The following NT5C2 variants were observed in gnomAD, a reference collection of about 807,000 sequenced individuals.
The protein encoded by NT5C2 is cytosolic purine 5'-nucleotidase.
In NT5C2, 58 loss-of-function variants were observed where a neutral mutation model predicts 76.1. That is an observed-to-expected ratio of 0.76 (90% CI 0.62 to 0.95). The LOEUF (loss-of-function observed/expected upper bound fraction) is 0.95, where lower values mean the gene tolerates loss of function less well. NT5C2 is among the 40% of genes least tolerant of loss of function. NT5C2 has a pLI of 0.00. For synonymous variants in NT5C2, 229 were observed against 237.4 expected (o/e 0.96, Z 0.32); for missense variants, 478 against 690.3 (o/e 0.69, Z 3.45).
At chr10:103,157,837 G>T (rs1057000170) in intron 3 of NT5C2, among the ~76,000 whole-genome samples, 1 of 152,090 alleles carries the variant, frequency 6.6e-6, no homozygotes, top group African/African-American at 2.4e-5. Flanking sequence ...CCCTCTGGGA[G>T]GCTGAGGCGG....
At chr10:103,102,058 A>G (rs1312658443) in intron 6 of NT5C2, among the ~76,000 whole-genome samples, 2 of 152,168 alleles carry the variant, frequency 1.3e-5, no homozygotes, top group Non-Finnish European at 2.9e-5. Flanking sequence ...GCTGAGTTGT[A>G]AAACAAAATT....
chr10:103,129,602 C>T (rs1343491812), intron 4 of NT5C2, among the ~76,000 whole-genome samples: 5 of 116,060 alleles, frequency 4.3e-5, no homozygotes, highest in African/African-American at 1.7e-4. Context: ...CCCGGCCAGC[C>T]GCCCCGTCCG....
chr10:103,125,266 G>A (rs550762759), intron 4 of NT5C2: 11 of 676,432 alleles, frequency 1.6e-5, no homozygotes, highest in Admixed American at 1.2e-4. Flanking sequence ...TTTCAAATTC[G>A]CCAATGGAAC....
At chr10:103,146,579 T>C (rs2081521234) in intron 3 of NT5C2, 1 of 353,710 alleles carries the variant, frequency 2.8e-6, no homozygotes, top group African/African-American at 2.2e-5. Context: ...GAAAATGCTA[T>C]AATGTGGATT....
chr10:103,101,915 G>A (rs1278297801), intron 6 of NT5C2, among the ~76,000 whole-genome samples: 3 of 152,158 alleles, frequency 2.0e-5, no homozygotes, highest in African/African-American at 7.2e-5. Context: ...AGTCCAACTT[G>A]GGTAGAGAAA....
At chr10:103,155,893 A>G (rs2083274100) in intron 3 of NT5C2, among the ~76,000 whole-genome samples, 1 of 152,192 alleles carries the variant, frequency 6.6e-6, no homozygotes, top group Non-Finnish European at 1.5e-5. Flanking sequence ...GCCAGGTGCC[A>G]TGGCTCACAC....
At chr10:103,123,577 T>A (rs913270503) in intron 4 of NT5C2, among the ~76,000 whole-genome samples, 1 of 152,204 alleles carries the variant, frequency 6.6e-6, no homozygotes, top group African/African-American at 2.4e-5. Context: ...GATTAAAAGG[T>A]ACATTGTACA....
At chr10:103,146,292 G>A in intron 3 of NT5C2, 2 of 985,346 alleles carry the variant, frequency 2.0e-6, no homozygotes, top group Non-Finnish European at 2.4e-6. Flanking sequence ...GAATTTCTTT[G>A]GCAATGGTGA....
intron 4 of NT5C2, among the ~76,000 whole-genome samples, chr10:103,111,033 A>T (rs2074609940): frequency 6.6e-6 from 1 of 152,220 alleles, no homozygotes; most frequent in Non-Finnish European, 1.5e-5. Flanking sequence ...AGATATTTAT[A>T]GGAAACCACA....
chr10:103,191,556 T>C (rs569630412), intron 1 of NT5C2, among the ~76,000 whole-genome samples: 2 of 152,236 alleles, frequency 1.3e-5, no homozygotes, highest in Non-Finnish European at 2.9e-5. Context: ...TGATGTCTTC[T>C]GGTTAAGGGT....
At chr10:103,113,980 A>C (rs1461722923) in intron 4 of NT5C2, among the ~76,000 whole-genome samples, 1 of 152,246 alleles carries the variant, frequency 6.6e-6, no homozygotes, top group African/African-American at 2.4e-5. Context: ...AGTGGGATAC[A>C]TGAGGGTGCA....
chr10:103,156,520 C>T (rs1272171596), intron 3 of NT5C2, among the ~76,000 whole-genome samples: 3 of 151,726 alleles, frequency 2.0e-5, no homozygotes, highest in Non-Finnish European at 2.9e-5. Context: ...TTTGGGAGGC[C>T]GAGGCGGGCG....
rs1188767727 is a variant in NT5C2 at position 103,090,998 on chromosome 10, T to TAAAG, written c.1212-6_1212-3dup. 8 of 1,612,666 alleles carry TAAAG rather than the reference T, an allele frequency of 5.0e-6. No individual in the cohort carries two copies. The highest frequency in any genetic ancestry group is 5.9e-6 in the Non-Finnish European group (7 of 1,179,454). The stretch of plus-strand genomic sequence containing the variant: ...TCATTGCTACTGCTGTCAAGATGCC[T>TAAAG]AAAGATAAAAGAAAAACTCAGTGAA... On this transcript the variant is annotated splice_polypyrimidine_tract_variant and splice_region_variant and intron_variant, in intron 16 of 18. Coordinates refer to ENST00000404739, the MANE Select transcript of NT5C2 (RefSeq NM_001351169.2).
At position 103,089,875 on chromosome 10, in the gene NT5C2, CGT is replaced by C; in HGVS notation, c.1481_1482del (p.His494ArgfsTer5). On this transcript the variant is annotated frameshift_variant, in exon 19 of 19. Transcript: ENST00000404739. LOFTEE classifies it high-confidence loss of function. ...MPHESTVEHT[H>X]VDINEMESPL... ...GGAGACTCCATCTCATTGATATCTA[CGT>C]GTGTGTGCTCCACCGTTGATTCATG... is the stretch of plus-strand genomic sequence containing the variant. 2 of 1,612,046 alleles carry C rather than the reference CGT, an allele frequency of 1.2e-6. No homozygotes were observed. Among genetic ancestry groups the C allele is most frequent in the Non-Finnish European group, 1.7e-6 (2 of 1,178,894 alleles).
chr10:103,185,526 T>C (rs1020324656), intron 1 of NT5C2, among the ~76,000 whole-genome samples: 1 of 151,454 alleles, frequency 6.6e-6, no homozygotes, highest in Non-Finnish European at 1.5e-5. Context: ...CGGGTGCCTG[T>C]AGACCCAGCT....
chr10:103,133,094 C>A (rs2078530357), intron 4 of NT5C2, among the ~76,000 whole-genome samples: 1 of 152,098 alleles, frequency 6.6e-6, no homozygotes, highest in South Asian at 2.1e-4. Context: ...TGTGTCTTTC[C>A]TCTGCTGTTC....
chr10:103,120,761 C>T (rs1001463325), intron 4 of NT5C2, among the ~76,000 whole-genome samples: 7 of 152,156 alleles, frequency 4.6e-5, no homozygotes, highest in African/African-American at 9.7e-5. Flanking sequence ...CATAGATTTA[C>T]GTTATGATCC....
At chr10:103,100,329 C>T (rs1362310274) in intron 8 of NT5C2, among the ~76,000 whole-genome samples, 1 of 152,134 alleles carries the variant, frequency 6.6e-6, no homozygotes, top group Non-Finnish European at 1.5e-5. Context: ...GTTGAAGAAA[C>T]ATTTAAAACT....
intron 3 of NT5C2, among the ~76,000 whole-genome samples, chr10:103,145,081 A>G (rs574876127): frequency 1.1e-4 from 16 of 152,338 alleles, no homozygotes; most frequent in African/African-American, 3.1e-4. Flanking sequence ...TTGTTGTATG[A>G]ATAGCTGAAG....
Sources: allele counts gnomAD v4.1 joint callset (sites outside exome capture counted in the v4.1 genomes callset), GRCh38; gene constraint gnomAD v4.1.1; transcripts MANE v1.5; gene names NCBI Gene and HGNC (gene_info 2026-07-23, HGNC 2026-07-21).